The following TRABD2B variants were observed in gnomAD, a reference collection of about 807,000 sequenced individuals.
The protein encoded by TRABD2B is TraB domain containing 2B, also known as metalloprotease TIKI2.
Under a neutral mutation model 40.1 loss-of-function variants are expected in TRABD2B, and 14 were observed. The observed-to-expected ratio is 0.35, with a 90% CI of 0.23 to 0.55. The LOEUF (loss-of-function observed/expected upper bound fraction) is 0.55, where lower values mean the gene tolerates loss of function less well. Among genes scored for constraint, TRABD2B ranks in the 20% least tolerant of loss-of-function variants. The probability of loss-of-function intolerance (pLI) is 0.90; values close to 1 mark genes in which losing one functional copy is unlikely to be tolerated. For missense variants in TRABD2B, 541 were observed against 648.6 expected (o/e 0.83, Z 1.80); for synonymous variants, 263 against 277.0 (o/e 0.95, Z 0.50).
chr1:47,801,494 G>A lies in TRABD2B; in HGVS notation c.792C>T (p.Ile264=), dbSNP rs1644822508. ...TCACCTGGGATGTGTCGTGGTTGAA[G>A]ATGACTGCGCTGAGGTCTCCGCAGT... is the stretch of plus-strand genomic sequence containing the variant. ...HYNCGDLSAV[I]FNHDTSQLPN... is the part of the protein sequence containing the mutation. The change falls in exon 3 of 7, where the codon ATC becomes ATT. Residue 264 remains isoleucine, a synonymous_variant. Coordinates refer to ENST00000606738, the MANE Select transcript of TRABD2B (RefSeq NM_001194986.2). The A allele has an allele frequency of 1.3e-6, 2 of 1,535,976 alleles. No homozygotes were observed. The highest frequency in any genetic ancestry group is 8.7e-7 in the Non-Finnish European group (1 of 1,146,890).
At chr1:47,941,851 G>A (rs1645193197) in intron 2 of TRABD2B, among the ~76,000 whole-genome samples, 1 of 152,138 alleles carries the variant, frequency 6.6e-6, no homozygotes, top group African/African-American at 2.4e-5. Context: ...CTGCAAAAAA[G>A]GAATAATTAT....
chr1:47,890,975 T>A (rs1363158669), intron 2 of TRABD2B, among the ~76,000 whole-genome samples: 1 of 152,158 alleles, frequency 6.6e-6, no homozygotes, highest in Non-Finnish European at 1.5e-5. Flanking sequence ...ACTCGCTGGA[T>A]CCCATTCATC....
intron 2 of TRABD2B, among the ~76,000 whole-genome samples, chr1:47,898,779 G>C (rs955575290): frequency 2.0e-5 from 3 of 152,138 alleles, no homozygotes; most frequent in Non-Finnish European, 4.4e-5. Flanking sequence ...GTTAAATGAT[G>C]TATGGATATA....
intron 2 of TRABD2B, among the ~76,000 whole-genome samples, chr1:47,946,436 T>G (rs1473464032): frequency 6.6e-6 from 1 of 152,178 alleles, no homozygotes; most frequent in Non-Finnish European, 1.5e-5. Flanking sequence ...CTGAGAGTTT[T>G]TATCATGAGC....
chr1:47,848,701 A>G (rs902660782), intron 2 of TRABD2B, among the ~76,000 whole-genome samples: 48 of 152,346 alleles, frequency 3.2e-4, no homozygotes, highest in African/African-American at 1.1e-3. Context: ...GGGCAGGGAA[A>G]GTTTGTCCAG....
At chr1:47,993,486 C>T (rs1008276452) in intron 2 of TRABD2B, among the ~76,000 whole-genome samples, 21 of 152,162 alleles carry the variant, frequency 1.4e-4, no homozygotes, top group African/African-American at 4.3e-4. Flanking sequence ...CGAGGCGGTC[C>T]GAGGGTCACC....
chr1:47,812,410 A>G lies in TRABD2B; in HGVS notation c.667-10791T>C, dbSNP rs1488970205. ...ATCACAGGCTTCAGCTGGGCTGCAA[A>G]GATGAGTAGCGTTGAGAAGGAAAGT... On this transcript the variant is annotated intron_variant, in intron 2 of 6. Transcript: ENST00000606738. 2.6e-5 allele frequency among the ~76,000 whole-genome samples: 4 copies of G among 152,188 alleles called. No homozygotes were observed. In the East Asian group the frequency reaches 7.7e-4, roughly 29 times the overall value.
intron 2 of TRABD2B, among the ~76,000 whole-genome samples, chr1:47,992,897 C>T (rs986974365): frequency 6.6e-6 from 1 of 152,220 alleles, no homozygotes. Context: ...TTCATTTGGC[C>T]GGCAAATCAA....
intron 2 of TRABD2B, among the ~76,000 whole-genome samples, chr1:47,827,522 C>T (rs1276232951): frequency 1.3e-5 from 2 of 152,190 alleles, no homozygotes; most frequent in African/African-American, 2.4e-5. Context: ...AGAAGCATTT[C>T]CCTCCCTTCA....
intron 2 of TRABD2B, among the ~76,000 whole-genome samples, chr1:47,921,512 C>T (rs72898158): frequency 0.022 from 3,337 of 152,268 alleles, 61 homozygotes; most frequent in South Asian, 0.063. Flanking sequence ...TCCAGGCATC[C>T]CAGATGTCTC....
intron 2 of TRABD2B, among the ~76,000 whole-genome samples, chr1:47,948,497 C>T (rs1236808013): frequency 1.3e-5 from 2 of 152,148 alleles, no homozygotes; most frequent in African/African-American, 2.4e-5. Context: ...AGTTGAGGGT[C>T]GAGTACAGCC....
chr1:47,857,429 T>G (rs147876673), intron 2 of TRABD2B, among the ~76,000 whole-genome samples: 89 of 152,270 alleles, frequency 5.8e-4, no homozygotes, highest in African/African-American at 2.1e-3. Context: ...CCTAGCAACC[T>G]TCTATGCCTC....
intron 2 of TRABD2B, among the ~76,000 whole-genome samples, chr1:47,959,166 A>C (rs1645471536): frequency 1.3e-5 from 2 of 152,242 alleles, no homozygotes; most frequent in Non-Finnish European, 2.9e-5. Flanking sequence ...GAAACCAACG[A>C]GAACAAAGAA....
chr1:47,953,060 AGGGGAACATTTGCTTG>A lies in TRABD2B; in HGVS notation c.666+40958_666+40973del, dbSNP rs528884490. On this transcript the variant is annotated intron_variant, in intron 2 of 6. Transcript: ENST00000606738. ...AACTCAGCAATCCCTAGCTACCATT[AGGGGAACATTTGCTTG>A]GGGGAACATTTGCTTTAATTTTCTT... Among the ~76,000 whole-genome samples the A allele has an allele frequency of 6.8e-4, 103 of 152,282 alleles. 1 individual carries two copies. Among genetic ancestry groups the A allele is most frequent in the Middle Eastern group, 6.8e-3 (2 of 294 alleles).
chr1:47,807,457 G>A (rs931426972), intron 2 of TRABD2B, among the ~76,000 whole-genome samples: 1 of 152,194 alleles, frequency 6.6e-6, no homozygotes, highest in Non-Finnish European at 1.5e-5. Context: ...GGGTCATGCC[G>A]CCAGGTTAAG....
chr1:47,926,643 C>T (rs1644972882), intron 2 of TRABD2B, among the ~76,000 whole-genome samples: 1 of 152,094 alleles, frequency 6.6e-6, no homozygotes, highest in Admixed American at 6.5e-5. Context: ...TTGAGAAGGG[C>T]AGGCATTACT....
In TRABD2B at chr1:47,942,346, G is replaced by A. The variant is rs117385993; in HGVS notation, c.666+51688C>T. 2.8e-4 allele frequency among the ~76,000 whole-genome samples: 43 copies of A among 151,660 alleles called. No individual in the cohort carries two copies. The East Asian group carries it at 8.4e-3, about 29-fold the overall frequency. ...ATTTAAGCACTTAAGAGCAGAGCAGGGCCAGAGCTGGAAGTGGTTGGAACG... is the reference window on the plus strand; with the variant it reads ...ATTTAAGCACTTAAGAGCAGAGCAGAGCCAGAGCTGGAAGTGGTTGGAACG... On this transcript the variant is annotated intron_variant, in intron 2 of 6. Transcript: ENST00000606738.
At chr1:47,800,365 A>T (rs1402868006) in intron 3 of TRABD2B, among the ~76,000 whole-genome samples, 2 of 152,154 alleles carry the variant, frequency 1.3e-5, no homozygotes, top group Non-Finnish European at 2.9e-5. Context: ...GCAGGCAGAG[A>T]GGGAGTGAGC....
chr1:47,957,006 G>A (rs1304425934), intron 2 of TRABD2B, among the ~76,000 whole-genome samples: 2 of 152,190 alleles, frequency 1.3e-5, no homozygotes, highest in African/African-American at 4.8e-5. Context: ...CTGAGACAAA[G>A]CTTCCAGAGG....
Sources: gnomAD v4.1 joint callset for allele counts (sites outside exome capture counted in the v4.1 genomes callset) on GRCh38, gnomAD v4.1.1 for gene constraint, MANE v1.5 for transcripts, NCBI Gene and HGNC (gene_info 2026-07-23, HGNC 2026-07-21) for gene names.